Variants in COG6 observed in about 807,000 individuals in gnomAD.
COG6 encodes component of oligomeric golgi complex 6, also known as conserved oligomeric Golgi complex subunit 6.
A neutral mutation model predicts 88.8 loss-of-function variants in COG6; 74 were observed. The ratio of observed to expected loss-of-function variants is 0.83; its 90% confidence interval spans 0.69 to 1.01. The LOEUF (loss-of-function observed/expected upper bound fraction) is 1.01, where lower values mean the gene tolerates loss of function less well. Ranked by LOEUF, COG6 falls within the 50% of genes least tolerant of loss-of-function variation. The probability of loss-of-function intolerance (pLI) is 0.00; values close to 1 mark genes in which losing one functional copy is unlikely to be tolerated. For missense variants in COG6, 800 were observed against 797.9 expected (o/e 1.00, Z -0.03); for synonymous variants, 286 against 278.7 (o/e 1.03, Z -0.26).
chr13:39,715,256 C>CCTCT (rs10684632), intron 13 of COG6, among the ~76,000 whole-genome samples: 135,528 of 149,176 alleles, frequency 0.91, 61,205 homozygotes, highest in East Asian at 0.99. Context: ...ACTATATACT[C>CCTCT]CTCTCTCTCT....
chr13:39,730,125 T>G (rs1193505266), intron 18 of COG6, among the ~76,000 whole-genome samples: 1 of 152,076 alleles, frequency 6.6e-6, no homozygotes, highest in African/African-American at 2.4e-5. Flanking sequence ...TTTTGGTACT[T>G]TTTTTTAAAT....
chr13:39,752,715 C>G, downstream of COG6: 1 of 1,110,172 alleles, frequency 9.0e-7, no homozygotes, highest in Non-Finnish European at 1.1e-6. Flanking sequence ...AAAGGAAATA[C>G]AACATAGGGC....
At chr13:39,724,940 C>G (rs192260902) in intron 17 of COG6, among the ~76,000 whole-genome samples, 1 of 151,830 alleles carries the variant, frequency 6.6e-6, no homozygotes. Context: ...ACGTGAAAAT[C>G]GAAATTAGAT....
At chr13:39,732,109 T>G (rs943370178) in intron 18 of COG6, among the ~76,000 whole-genome samples, 1 of 152,152 alleles carries the variant, frequency 6.6e-6, no homozygotes, top group African/African-American at 2.4e-5. Context: ...GTCTTCCAAC[T>G]TACATGCCAA....
exon 19 of COG6, chr13:39,790,664 ATTAAAATATATTGAC>A (rs1364806109): frequency 6.6e-6 from 1 of 152,128 alleles, no homozygotes; most frequent in Non-Finnish European, 1.5e-5. Flanking sequence ...AGTAGAGTGA[ATTAAAATATATTGAC>A]TTAAGGAGAA....
At chr13:39,670,852 A>C (rs1213730400) in intron 4 of COG6, among the ~76,000 whole-genome samples, 2 of 152,086 alleles carry the variant, frequency 1.3e-5, no homozygotes, top group Non-Finnish European at 2.9e-5. Flanking sequence ...TTTTTATTGC[A>C]TTGTAAACTA....
In COG6 at chr13:39,751,083, T is replaced by A; in HGVS notation, c.1964T>A (p.Leu655His). 6.2e-7 allele frequency: 1 copy of A among 1,613,644 alleles called. No individual in the cohort carries two copies. Among genetic ancestry groups the A allele is most frequent in the Non-Finnish European group, 8.5e-7 (1 of 1,179,734 alleles). Reference protein sequence around the residue: ...LHRSPQQVQTLLS With the variant: ...LHRSPQQVQTHLS Reference sequence around the variant, plus strand: ...CGATCGCCGCAGCAAGTGCAGACGCTTCTTTCCTGATTATCTTATTTCATT... The same window carrying A: ...CGATCGCCGCAGCAAGTGCAGACGCATCTTTCCTGATTATCTTATTTCATT... The change falls in exon 19 of 19, where the codon CTT (leucine) becomes CAT (histidine). Residue 655 changes from leucine (L) to histidine (H), a missense_variant. Leu to His is a moderately conservative substitution (Grantham distance 99). Transcript: ENST00000455146.
intron 18 of COG6, among the ~76,000 whole-genome samples, chr13:39,787,553 G>A (rs1270359850): frequency 6.6e-6 from 1 of 152,056 alleles, no homozygotes; most frequent in East Asian, 1.9e-4. Flanking sequence ...AGTCCTATGT[G>A]TTTGCTGTTT....
chr13:39,758,994 T>C (rs1880931552), intron 18 of COG6, among the ~76,000 whole-genome samples: 2 of 152,198 alleles, frequency 1.3e-5, no homozygotes, highest in South Asian at 2.1e-4. Context: ...AATTTGATTC[T>C]ATTTTAATGA....
At chr13:39,771,986 T>C (rs1350418844) in intron 18 of COG6, among the ~76,000 whole-genome samples, 3 of 152,168 alleles carry the variant, frequency 2.0e-5, no homozygotes, top group African/African-American at 7.2e-5. Context: ...CGCTGTCTCA[T>C]TCAAAAACTT....
intron 1 of COG6, among the ~76,000 whole-genome samples, chr13:39,657,723 G>C (rs912335909): frequency 6.6e-6 from 1 of 152,138 alleles, no homozygotes; most frequent in Non-Finnish European, 1.5e-5. Flanking sequence ...ATGTATATCT[G>C]CAGAATTTAG....
At chr13:39,701,573 G>A (rs1021466779) in intron 13 of COG6, among the ~76,000 whole-genome samples, 1 of 151,902 alleles carries the variant, frequency 6.6e-6, no homozygotes, top group Admixed American at 6.6e-5. Flanking sequence ...TTAGGATAAG[G>A]TTTTATCAGA....
At chr13:39,657,731 T>G (rs1483005015) in intron 1 of COG6, among the ~76,000 whole-genome samples, 1 of 152,202 alleles carries the variant, frequency 6.6e-6, no homozygotes, top group Non-Finnish European at 1.5e-5. Context: ...CTGCAGAATT[T>G]AGTGTACAAT....
intron 13 of COG6, among the ~76,000 whole-genome samples, chr13:39,714,926 C>A (rs924591878): frequency 1.3e-5 from 2 of 152,032 alleles, no homozygotes; most frequent in Non-Finnish European, 2.9e-5. Context: ...GAGCAGGAGG[C>A]CATTATTCTA....
intron 13 of COG6, among the ~76,000 whole-genome samples, chr13:39,714,666 T>C (rs1878426606): frequency 6.6e-6 from 1 of 151,476 alleles, no homozygotes; most frequent in African/African-American, 2.4e-5. Context: ...TATATACTGC[T>C]GGTGGGAATG....
chr13:39,691,064 C>T (rs914948793), intron 11 of COG6, among the ~76,000 whole-genome samples: 1 of 151,880 alleles, frequency 6.6e-6, no homozygotes, highest in Non-Finnish European at 1.5e-5. Flanking sequence ...ACCTTCCCCC[C>T]TTCCTTGCTT....
exon 19 of COG6, chr13:39,791,187 G>C (rs980960340): frequency 3.9e-5 from 6 of 151,976 alleles, no homozygotes; most frequent in African/African-American, 1.4e-4. Context: ...TGTATATCTA[G>C]ATAGATTTAG....
intron 13 of COG6, among the ~76,000 whole-genome samples, chr13:39,718,764 G>A (rs1302610098): frequency 6.6e-6 from 1 of 152,016 alleles, no homozygotes; most frequent in Admixed American, 6.6e-5. Context: ...GACTCCTGGG[G>A]TGCTTGTTGA....
At chr13:39,716,756 T>C (rs1285640430) in intron 13 of COG6, among the ~76,000 whole-genome samples, 2 of 152,184 alleles carry the variant, frequency 1.3e-5, no homozygotes, top group South Asian at 2.1e-4. Context: ...ACAAAAACTT[T>C]GCTCCTACAT....
Sources: allele counts gnomAD v4.1 joint callset (sites outside exome capture counted in the v4.1 genomes callset), GRCh38; gene constraint gnomAD v4.1.1; transcripts MANE v1.5; gene names NCBI Gene and HGNC (gene_info 2026-07-23, HGNC 2026-07-21).